The following KIF21A variants were observed in gnomAD, a reference collection of about 807,000 sequenced individuals.
KIF21A encodes kinesin-like protein KIF21A.
A neutral mutation model predicts 202.9 loss-of-function variants in KIF21A; 114 were observed. The ratio of observed to expected loss-of-function variants is 0.56; its 90% confidence interval spans 0.48 to 0.66. The LOEUF is 0.66. KIF21A is among the 30% of genes least tolerant of loss of function. The pLI, the probability that KIF21A is intolerant of heterozygous loss-of-function variation, is 0.00. For missense variants in KIF21A, 1,677 were observed against 1,994.9 expected (o/e 0.84, Z 3.04); for synonymous variants, 667 against 670.8 (o/e 0.99, Z 0.09).
At chr12:39,413,848 G>GT in intron 1 of KIF21A, among the ~76,000 whole-genome samples, 1 of 152,034 alleles carries the variant, frequency 6.6e-6, no homozygotes, top group East Asian at 1.9e-4. Context: ...ACCATCAAAT[G>GT]TAACATATGG....
chr12:39,397,566 C>T lies in KIF21A; in HGVS notation c.45-27305G>A, dbSNP rs190932092. 4.2e-3 allele frequency among the ~76,000 whole-genome samples: 632 copies of T among 152,242 alleles called. 6 individuals are homozygous for T. The highest frequency in any genetic ancestry group is 0.015 in the African/African-American group (616 of 41,538). ...TTTCTCTGCAGCGACTCCCAAGGCTCCAAGACAGTAGTACTGACATATTCC... is the reference window on the plus strand; with the variant it reads ...TTTCTCTGCAGCGACTCCCAAGGCTTCAAGACAGTAGTACTGACATATTCC... On this transcript the variant is annotated intron_variant, in intron 1 of 37. Transcript: ENST00000361418.
chr12:39,389,179 T>TACACACACACACAC (rs10632410), intron 1 of KIF21A, among the ~76,000 whole-genome samples: 4 of 142,088 alleles, frequency 2.8e-5, no homozygotes, highest in African/African-American at 1.0e-4. Flanking sequence ...TAAATACACA[T>TACACACACACACAC]ACACACACAC....
intron 1 of KIF21A, among the ~76,000 whole-genome samples, chr12:39,432,063 C>G (rs111368142): frequency 6.6e-6 from 1 of 152,142 alleles, no homozygotes; most frequent in Non-Finnish European, 1.5e-5. Flanking sequence ...CAGACCAACA[C>G]GCTACTCAAA....
chr12:39,346,724 G>C lies in KIF21A; in HGVS notation c.1674-220C>G, dbSNP rs114169660. Among the ~76,000 whole-genome samples, 1,117 of 152,086 alleles carry C rather than the reference G, an allele frequency of 7.3e-3. 9 individuals carry two copies. Among genetic ancestry groups the C allele is most frequent in the African/African-American group, 0.025 (1,057 of 41,542 alleles). The stretch of plus-strand genomic sequence containing the variant: ...AATCAAGCAGCAATATATCTAAGAA[G>C]AGTATATAGACTATCAGTTGAAATT... On this transcript the variant is annotated intron_variant, in intron 11 of 37. Coordinates refer to ENST00000361418, the MANE Select transcript of KIF21A (RefSeq NM_001173464.2).
At chr12:39,420,482 G>A (rs1954162405) in intron 1 of KIF21A, among the ~76,000 whole-genome samples, 1 of 151,784 alleles carries the variant, frequency 6.6e-6, no homozygotes, top group South Asian at 2.1e-4. Context: ...AGAACACTAA[G>A]TTTAAAAAAA....
intron 34 of KIF21A, among the ~76,000 whole-genome samples, chr12:39,305,367 A>AG (rs1491487721): frequency 6.0e-5 from 7 of 116,716 alleles, no homozygotes; most frequent in African/African-American, 3.0e-4. Context: ...ATCCGACTCA[A>AG]GAAAAAAAAA....
At chr12:39,372,301 T>C (rs1950018424) in intron 1 of KIF21A, among the ~76,000 whole-genome samples, 1 of 152,218 alleles carries the variant, frequency 6.6e-6, no homozygotes, top group Non-Finnish European at 1.5e-5. Flanking sequence ...AACTATTTTT[T>C]CTCCTCTATG....
At chr12:39,374,972 G>A (rs767629303) in intron 1 of KIF21A, among the ~76,000 whole-genome samples, 2 of 151,772 alleles carry the variant, frequency 1.3e-5, no homozygotes, top group Admixed American at 6.6e-5. Context: ...TATTCCTATC[G>A]TATAACAAAT....
rs574873710 is a variant in KIF21A at position 39,442,940 on chromosome 12, G to T, written c.31C>A (p.Arg11=). MLGAPDESSV[R]VAVRIRPQLA... is the part of the protein sequence containing the mutation. Reference sequence around the variant, plus strand: ...GACTGTCCTCACCTGACAGCCACCCGCACGGAGCTCTCGTCCGGGGCGCCC... The same window carrying T: ...GACTGTCCTCACCTGACAGCCACCCTCACGGAGCTCTCGTCCGGGGCGCCC... The change falls in exon 1 of 38, where the codon CGG becomes AGG. Residue 11 remains arginine (R), a synonymous_variant. Coordinates refer to ENST00000361418, the MANE Select transcript of KIF21A (RefSeq NM_001173464.2). This position sits in a 1 kb window ranked among gnomAD's most constrained non-coding sequence, Gnocchi z 5.0. The T allele has an allele frequency of 1.3e-6, 2 of 1,524,130 alleles. No individual in the cohort carries two copies. Among genetic ancestry groups the T allele is most frequent in the Admixed American group, 2.0e-5 (1 of 50,450 alleles). The allele number at this position is 1,524,130 out of a possible 1,614,324, so 94.4% of individuals were successfully genotyped here. A position where few individuals can be genotyped will look rare whatever the true frequency, so the allele number is the denominator to read the frequency against.
rs781080527 is a variant in KIF21A, at chr12:39,301,504, G to A, written c.4907C>T (p.Ser1636Phe). The change falls in exon 37 of 38, where the codon TCC (serine) becomes TTC (phenylalanine). Residue 1636 changes from serine (S) to phenylalanine (F), a missense_variant. By Grantham distance (155) the Ser-to-Phe change is radical (BLOSUM62 -2). Transcript: ENST00000361418. ...DSPINAICVN[S>F]THIFTAADDR... ...CTCAGCTGCAGTAAAAATGTGGGTGGAATTAACACATATGGCATTGATAGG... is the reference window on the plus strand; with the variant it reads ...CTCAGCTGCAGTAAAAATGTGGGTGAAATTAACACATATGGCATTGATAGG... 5 of 1,613,818 alleles carry A rather than the reference G, an allele frequency of 3.1e-6. No individual in the cohort carries two copies. The Admixed American group carries it at 8.3e-5, about 27-fold the overall frequency.
intron 1 of KIF21A, among the ~76,000 whole-genome samples, chr12:39,380,512 T>C (rs577550105): frequency 6.6e-6 from 1 of 152,174 alleles, no homozygotes; most frequent in Non-Finnish European, 1.5e-5. Context: ...ATGACTTTTA[T>C]AAATTCTTAT....
intron 12 of KIF21A, among the ~76,000 whole-genome samples, chr12:39,342,934 C>T (rs1374494341): frequency 6.6e-6 from 1 of 152,150 alleles, no homozygotes; most frequent in East Asian, 1.9e-4. Context: ...AGAGAAGTTT[C>T]GTACACCCAA....
intron 3 of KIF21A, among the ~76,000 whole-genome samples, chr12:39,368,480 G>A (rs1949747866): frequency 6.6e-6 from 1 of 152,028 alleles, no homozygotes; most frequent in South Asian, 2.1e-4. Flanking sequence ...TGTTTGCAAG[G>A]TCAGTAACAA....
chr12:39,318,114 A>G lies in KIF21A; in HGVS notation c.3867T>C (p.Arg1289=). The change falls in exon 29 of 38, where the codon CGT becomes CGC. Residue 1289 remains arginine (R), a synonymous_variant. Transcript: ENST00000361418. ...ATGTGTTTCCCTGAGAAACAGTAAG[A>G]CGATTAAAAACATTCAGTTCATTAC... ...RPRNELNVFN[R]LTVSQGNTSV... The G allele has an allele frequency of 6.2e-7, 1 of 1,613,528 alleles. No individual in the cohort carries two copies. Among genetic ancestry groups the G allele is most frequent in the Non-Finnish European group, 8.5e-7 (1 of 1,179,526 alleles).
At chr12:39,430,427 T>C (rs1358332493) in intron 1 of KIF21A, among the ~76,000 whole-genome samples, 1 of 151,674 alleles carries the variant, frequency 6.6e-6, no homozygotes, top group Non-Finnish European at 1.5e-5. Context: ...TTAGCCGGGC[T>C]TGGTGGCAGG....
At chr12:39,302,715 A>T (rs1038608801) in intron 36 of KIF21A, among the ~76,000 whole-genome samples, 6 of 152,202 alleles carry the variant, frequency 3.9e-5, no homozygotes, top group Non-Finnish European at 7.4e-5. Context: ...ACATGCATGG[A>T]GCAACCCTAG....
chr12:39,356,588 A>C (rs547535981), intron 10 of KIF21A: 14 of 337,190 alleles, frequency 4.2e-5, no homozygotes, highest in Non-Finnish European at 6.4e-5. Flanking sequence ...TTAGGTAAGC[A>C]CCCAATATTG....
chr12:39,363,304 G>C (rs1467720224), intron 6 of KIF21A, 91 bp from the exon 7 acceptor site: 4 of 736,688 alleles, frequency 5.4e-6, no homozygotes, highest in Non-Finnish European at 7.0e-6. Flanking sequence ...GAATAATATA[G>C]AGACATAATA....
intron 7 of KIF21A, among the ~76,000 whole-genome samples, chr12:39,360,407 T>TTGA: frequency 6.6e-6 from 1 of 151,812 alleles, no homozygotes; most frequent in East Asian, 1.9e-4. Flanking sequence ...TTTTTTTTTT[T>TTGA]GAGATGGAGT....
Sources: allele counts gnomAD v4.1 joint callset (sites outside exome capture counted in the v4.1 genomes callset), GRCh38; gene constraint gnomAD v4.1.1; non-coding constraint Gnocchi (gnomAD v3.1); transcripts MANE v1.5; gene names NCBI Gene and HGNC (gene_info 2026-07-23, HGNC 2026-07-21).